GNAQ: variants seen among roughly 807,000 people sequenced by gnomAD.
The protein encoded by GNAQ is guanine nucleotide-binding protein G(q) subunit alpha.
Under a neutral mutation model 43.9 loss-of-function variants are expected in GNAQ, and 8 were observed. That is an observed-to-expected ratio of 0.18 (90% CI 0.11 to 0.33). The LOEUF (loss-of-function observed/expected upper bound fraction) is 0.33. Ranked by LOEUF, GNAQ falls within the 10% of genes least tolerant of loss-of-function variation. The pLI, the probability that GNAQ is intolerant of heterozygous loss-of-function variation, is 1.00. For synonymous variants in GNAQ, 155 were observed against 170.7 expected, an observed-to-expected ratio of 0.91 and a Z score of 0.71; for missense variants, 158 against 450.8, an observed-to-expected ratio of 0.35 and a Z score of 5.88.
intron 2 of GNAQ, among the ~76,000 whole-genome samples, chr9:77,835,890 T>C (rs1827375647): frequency 1.3e-5 from 2 of 152,208 alleles, no homozygotes; most frequent in Admixed American, 6.5e-5. Flanking sequence ...TATTTATTTA[T>C]TTTGTATTAA....
chr9:77,794,393 C>T (rs565188681), intron 5 of GNAQ, 70 bp downstream of exon 5: 10 of 1,087,800 alleles, frequency 9.2e-6, no homozygotes, highest in Non-Finnish European at 1.3e-5. Flanking sequence ...TTCCCCACAC[C>T]CTACTTTCTA....
intron 6 of GNAQ, among the ~76,000 whole-genome samples, chr9:77,725,609 T>C (rs1214895244): frequency 6.8e-6 from 1 of 147,848 alleles, no homozygotes; most frequent in Non-Finnish European, 1.5e-5. Context: ...AAAAAAAGTC[T>C]TCAGATTTCA....
At chr9:78,000,345 G>T (rs541825164) in intron 1 of GNAQ, among the ~76,000 whole-genome samples, 1 of 152,234 alleles carries the variant, frequency 6.6e-6, no homozygotes, top group African/African-American at 2.4e-5. Flanking sequence ...AGAAACAAAA[G>T]GAACTTTCAG....
At chr9:77,972,509 A>G (rs576865814) in intron 1 of GNAQ, among the ~76,000 whole-genome samples, 2 of 152,346 alleles carry the variant, frequency 1.3e-5, no homozygotes, top group Non-Finnish European at 2.9e-5. Context: ...AATAAATGTG[A>G]AAAACCCAAC....
intron 5 of GNAQ, among the ~76,000 whole-genome samples, chr9:77,771,397 A>G (rs567437504): frequency 6.6e-6 from 1 of 152,326 alleles, no homozygotes; most frequent in South Asian, 2.1e-4. Context: ...CATGCTGCAA[A>G]TTAATCAGGA....
intron 1 of GNAQ, among the ~76,000 whole-genome samples, chr9:78,019,644 C>T (rs377726927): frequency 7.2e-5 from 11 of 152,062 alleles, no homozygotes; most frequent in African/African-American, 2.7e-4. Context: ...ACCTTTAGGC[C>T]AGGTGCGGTG....
At position 77,830,324 on chromosome 9, in the gene GNAQ, A is replaced by G. The variant is rs191756687; in HGVS notation, c.322-14554T>C. ...GACCTTGGTATCTGAAGTATGGGGC[A>G]CACATCATCCATGGGGCACAGAGAG... On this transcript the variant is annotated intron_variant, in intron 2 of 6. Coordinates refer to ENST00000286548, the MANE Select transcript of GNAQ (RefSeq NM_002072.5). Among the ~76,000 whole-genome samples, 297 of 152,284 alleles carry G rather than the reference A, an allele frequency of 2.0e-3. 9 individuals carry two copies. Among genetic ancestry groups the G allele is most frequent in the Admixed American group, 0.018 (268 of 15,304 alleles).
chr9:77,946,809 G>C (rs1015567260), intron 1 of GNAQ, among the ~76,000 whole-genome samples: 1 of 152,174 alleles, frequency 6.6e-6, no homozygotes, highest in Non-Finnish European at 1.5e-5. Flanking sequence ...AGGTAGCTTT[G>C]AGCAAGTTGA....
chr9:77,915,455 A>T (rs1828884445), intron 2 of GNAQ, among the ~76,000 whole-genome samples: 1 of 152,142 alleles, frequency 6.6e-6, no homozygotes, highest in African/African-American at 2.4e-5. Flanking sequence ...TATTCTTTAA[A>T]AAGATGGAAG....
In GNAQ at chr9:77,811,755, A is replaced by G. The variant is rs536103199; in HGVS notation, c.476+3861T>C. Among the ~76,000 whole-genome samples the G allele has an allele frequency of 1.2e-3, 190 of 152,346 alleles. 1 individual carries two copies. The highest frequency in any genetic ancestry group is 4.3e-3 in the African/African-American group (177 of 41,586). Reference sequence around the variant, plus strand: ...AAGTAACACTCGGGCCTCCTGGCACAGTGGGATTAAGGCAAGCCAGGCAGG... The same window carrying G: ...AAGTAACACTCGGGCCTCCTGGCACGGTGGGATTAAGGCAAGCCAGGCAGG... On this transcript the variant is annotated intron_variant, in intron 3 of 6. Coordinates refer to ENST00000286548, the MANE Select transcript of GNAQ (RefSeq NM_002072.5).
chr9:77,742,875 C>A (rs1825675070), intron 5 of GNAQ, among the ~76,000 whole-genome samples: 1 of 152,148 alleles, frequency 6.6e-6, no homozygotes, highest in Admixed American at 6.5e-5. Context: ...GCCAGTGATT[C>A]TGTTGGGAAA....
rs550026416 is a variant in GNAQ at position 77,793,629 on chromosome 9, T to C, written c.735+834A>G. On this transcript the variant is annotated intron_variant, in intron 5 of 6. Transcript: ENST00000286548. ...TACCCTATTATTGGGATATTTAATA[T>C]TTATTATTAACCTACCACACTGCAA... Among the ~76,000 whole-genome samples, 8 of 152,208 alleles carry C rather than the reference T, an allele frequency of 5.3e-5. No homozygotes were observed. In the East Asian group the frequency reaches 1.5e-3, roughly 29 times the overall value.
At chr9:77,924,416 T>C (rs1829039901) in intron 1 of GNAQ, among the ~76,000 whole-genome samples, 1 of 152,186 alleles carries the variant, frequency 6.6e-6, no homozygotes, top group Admixed American at 6.5e-5. Flanking sequence ...AAAGGTTTGC[T>C]CTGAAGGCCC....
chr9:78,018,065 G>A (rs957775352), intron 1 of GNAQ, among the ~76,000 whole-genome samples: 1 of 151,708 alleles, frequency 6.6e-6, no homozygotes, highest in African/African-American at 2.4e-5. Flanking sequence ...ACATTTCCAT[G>A]AATCTATTCT....
chr9:77,770,014 A>T (rs1826198061), intron 5 of GNAQ, among the ~76,000 whole-genome samples: 1 of 150,502 alleles, frequency 6.6e-6, no homozygotes, highest in Non-Finnish European at 1.5e-5. Flanking sequence ...ATGAAATAAC[A>T]ACAAGTAGCA....
chr9:77,718,019 G>A lies in GNAQ; in HGVS notation c.*3304C>T, dbSNP rs1405142072. The stretch of plus-strand genomic sequence containing the variant: ...CAATTTACAAATAAGGAATTCTCTG[G>A]GGGTTAGAACTGCCATGTCACGCAA... On this transcript the variant is annotated 3_prime_UTR_variant, in exon 7 of 7. Transcript: ENST00000286548. 1 of 232,768 alleles carries A rather than the reference G, an allele frequency of 4.3e-6. No individual in the cohort carries two copies. The highest frequency in any genetic ancestry group is 8.5e-6 in the Non-Finnish European group (1 of 117,842). The allele number at this position is 232,768 out of a possible 1,614,324, so 14.4% of individuals were successfully genotyped here. A position where few individuals can be genotyped will look rare whatever the true frequency, so the allele number is the denominator to read the frequency against.
At chr9:77,867,698 C>G (rs923425576) in intron 2 of GNAQ, among the ~76,000 whole-genome samples, 1 of 152,180 alleles carries the variant, frequency 6.6e-6, no homozygotes, top group Non-Finnish European at 1.5e-5. Context: ...ATGGAAGCAT[C>G]ACATGCAAGT....
Position 77,974,145 on chromosome 9 carries a change from T to A in GNAQ, c.137-51800A>T, listed in dbSNP as rs575620356. Among the ~76,000 whole-genome samples the A allele has an allele frequency of 2.6e-5, 4 of 152,254 alleles. No homozygotes were observed. The East Asian group carries it at 7.7e-4, about 29-fold the overall frequency. On this transcript the variant is annotated intron_variant, in intron 1 of 6. Transcript: ENST00000286548. ...AGAATGAAAGGTTAAGCCTGTTTTG[T>A]AGGCACAAAGAAACTTTAAGACACT...
chr9:77,999,233 A>T (rs1334778674), intron 1 of GNAQ, among the ~76,000 whole-genome samples: 2 of 152,174 alleles, frequency 1.3e-5, no homozygotes, highest in Non-Finnish European at 2.9e-5. Context: ...TCAGCATGCA[A>T]AATAACTTTG....
Sources: gnomAD v4.1 joint callset for allele counts (sites outside exome capture counted in the v4.1 genomes callset) on GRCh38, gnomAD v4.1.1 for gene constraint, MANE v1.5 for transcripts, NCBI Gene and HGNC (gene_info 2026-07-23, HGNC 2026-07-21) for gene names.